Variants in CDH26 observed in about 807,000 individuals in gnomAD.
CDH26 encodes the protein cadherin-like protein 26.
A neutral mutation model predicts 90.3 loss-of-function variants in CDH26; 83 were observed. That is an observed-to-expected ratio of 0.92 (90% CI 0.77 to 1.10). CDH26 has a LOEUF of 1.10. Among genes scored for constraint, CDH26 ranks in the 50% least tolerant of loss-of-function variants. The pLI, the probability that CDH26 is intolerant of heterozygous loss-of-function variation, is 0.00. For missense variants in CDH26, 1,013 were observed against 1,037.6 expected (o/e 0.98, Z 0.33); for synonymous variants, 397 against 396.3 (o/e 1.00, Z -0.02).
Position 59,987,517 on chromosome 20 carries a change from G to A in CDH26, c.902G>A (p.Arg301Gln), listed in dbSNP as rs184110890. ...GTGTTGCGTCTCCTGGTTCAAGATC[G>A]AGATTCTCCATTTACATCAGCTTGG... ...QGVLRLLVQD[R>Q]DSPFTSAWRA... Residue 301 changes from arginine to glutamine, a missense_variant, in exon 8 of 18, where the codon CGA (arginine) becomes CAA (glutamine). Physicochemically the swap from Arg to Gln is conservative, Grantham distance 43. Transcript: ENST00000348616. The A allele has an allele frequency of 5.6e-6, 9 of 1,613,892 alleles. No homozygotes were observed. Among genetic ancestry groups the A allele is most frequent in the African/African-American group, 4.0e-5 (3 of 75,010 alleles).
In CDH26 at chr20:60,030,385, T is replaced by G. The variant is rs1601234180; in HGVS notation, c.948-846T>G. ...TGTTTTAAGTATCTGGGTTTTTTTT[T>G]GTTTGCTTTTTTTTGTTTTGTTTTG... On this transcript the variant is annotated intron_variant, in intron 7 of 8. Transcript: ENST00000370991. The surrounding 1 kb of genome is among the most constrained non-coding windows in gnomAD (Gnocchi z 4.0). Among the ~76,000 whole-genome samples the G allele has an allele frequency of 2.0e-5, 3 of 152,288 alleles. No homozygotes were observed. Among genetic ancestry groups the G allele is most frequent in the East Asian group, 3.9e-4 (2 of 5,182 alleles).
In CDH26 at chr20:60,014,478, G is replaced by T. The variant is rs2061888066; in HGVS notation, c.*1748G>T. ...TTTCCCCCCACCCTTCCCAGCTGCTGTGTCCTCTGTTCTACCTTCTACTTC... is the reference window on the plus strand; with the variant it reads ...TTTCCCCCCACCCTTCCCAGCTGCTTTGTCCTCTGTTCTACCTTCTACTTC... On this transcript the variant is annotated 3_prime_UTR_variant, in exon 18 of 18. Transcript: ENST00000348616. The T allele has an allele frequency of 6.6e-6, 1 of 151,814 alleles. No homozygotes were observed. The highest frequency in any genetic ancestry group is 1.9e-4 in the East Asian group (1 of 5,166). The allele number at this position is 151,814 out of a possible 1,614,324, so 9.4% of individuals were successfully genotyped here. A position where few individuals can be genotyped will look rare whatever the true frequency, so the allele number is the denominator to read the frequency against.
At chr20:60,015,454 T>C (rs1854976594), downstream of CDH26, among the ~76,000 whole-genome samples, 5 of 152,244 alleles carry the variant, frequency 3.3e-5, no homozygotes, top group African/African-American at 1.2e-4. Flanking sequence ...TCAGATCATT[T>C]ACCCATTTTA....
At chr20:60,027,468 T>C (rs2062006880) in intron 7 of CDH26, among the ~76,000 whole-genome samples, 1 of 152,202 alleles carries the variant, frequency 6.6e-6, no homozygotes, top group African/African-American at 2.4e-5. Context: ...ATATCCTCTT[T>C]CTTCTTCTTT....
intron 9 of CDH26, among the ~76,000 whole-genome samples, chr20:59,990,427 A>T (rs1180468366): frequency 2.0e-5 from 3 of 152,016 alleles, no homozygotes; most frequent in African/African-American, 7.3e-5. Flanking sequence ...TTGGCCCCAG[A>T]CCCCATTCCA....
downstream of CDH26, among the ~76,000 whole-genome samples, chr20:60,017,336 T>G (rs2061913757): frequency 6.6e-6 from 1 of 152,092 alleles, no homozygotes. Flanking sequence ...GGATCAATCT[T>G]AGTAGGTTGT....
chr20:60,016,425 A>G (rs570538137), downstream of CDH26, among the ~76,000 whole-genome samples: 2 of 152,066 alleles, frequency 1.3e-5, no homozygotes, highest in East Asian at 1.9e-4. Flanking sequence ...TTTGTTGTTC[A>G]TGTATAGAAA....
At chr20:60,001,131 G>A (rs924622526) in intron 14 of CDH26, among the ~76,000 whole-genome samples, 3 of 152,096 alleles carry the variant, frequency 2.0e-5, no homozygotes, top group African/African-American at 4.8e-5. Flanking sequence ...CCTGCCATGC[G>A]GTTCCATTGT....
Position 59,958,778 on chromosome 20 carries a change from C to A in CDH26, c.52C>A (p.Leu18Met). ...HPSLLLLLVL[L>M]LWLLQVSIID... is the part of the protein sequence containing the mutation. ...CTCGCTGCTGCTGCTTCTAGTGCTG[C>A]TGCTGTGGCTGCTGCAGGTAAGCTG... Residue 18 changes from leucine (L) to methionine (M), a missense_variant, in exon 1 of 18, where the codon CTG (leucine) becomes ATG (methionine). Transcript: ENST00000348616. 2 of 1,613,866 alleles carry A rather than the reference C, an allele frequency of 1.2e-6. No homozygotes were observed. The highest frequency in any genetic ancestry group is 1.7e-6 in the Non-Finnish European group (2 of 1,179,836).
At chr20:59,982,781 AG>A in intron 4 of CDH26, 141 bp from the exon 5 acceptor site, 3 of 887,168 alleles carry the variant, frequency 3.4e-6, no homozygotes, top group Non-Finnish European at 5.2e-6. Flanking sequence ...TTGGTAAATG[AG>A]GGCAGTCTGA....
rs1555903625 is a variant in CDH26, at chr20:60,021,865, C to CACACACACACACACACACACAT, written c.948-9345_948-9344insTACACACACACACACACACACA. Among the ~76,000 whole-genome samples, 530 of 75,870 alleles carry CACACACACACACACACACACAT rather than the reference C, an allele frequency of 7.0e-3. 21 individuals carry two copies. The highest frequency in any genetic ancestry group is 0.022 in the African/African-American group (488 of 22,468). The allele number at this position is 75,870 out of a possible 152,430, so 49.8% of individuals were successfully genotyped here. ...CCTTATCTGTACACACACACACACACACACACACACACACACACACACACA... is the reference window on the plus strand; with the variant it reads ...CCTTATCTGTACACACACACACACACACACACACACACACACACACATACACACACACACACACACACACACA... On this transcript the variant is annotated intron_variant, in intron 7 of 8. Transcript: ENST00000370991.
At position 59,969,034 on chromosome 20, in the gene CDH26, G is replaced by T; in HGVS notation, c.126+11G>T. On this transcript the variant is annotated intron_variant, in intron 2 of 17. Transcript: ENST00000348616. Reference sequence around the variant, plus strand: ...ACTAAGCAAACAAAGGTGAGGTTTGGAAGTCAGTTTCTTAATATATAAAAT... The same window carrying T: ...ACTAAGCAAACAAAGGTGAGGTTTGTAAGTCAGTTTCTTAATATATAAAAT... The T allele has an allele frequency of 1.9e-6, 3 of 1,573,596 alleles. No homozygotes were observed. Among genetic ancestry groups the T allele is most frequent in the Non-Finnish European group, 8.7e-7 (1 of 1,144,378 alleles).
intron 7 of CDH26, among the ~76,000 whole-genome samples, chr20:60,022,437 G>C (rs942060937): frequency 2.0e-5 from 3 of 152,202 alleles, no homozygotes; most frequent in Non-Finnish European, 4.4e-5. Context: ...GATTGGTTTT[G>C]TGGAGCTTTT....
intron 7 of CDH26, among the ~76,000 whole-genome samples, chr20:60,027,461 TC>T (rs1366470254): frequency 6.6e-6 from 1 of 152,190 alleles, no homozygotes; most frequent in Non-Finnish European, 1.5e-5. Context: ...TTCCTCTATA[TC>T]CTCTTTCTTC....
At chr20:60,034,593 G>A (rs1483750571), downstream of CDH26, among the ~76,000 whole-genome samples, 1 of 152,198 alleles carries the variant, frequency 6.6e-6, no homozygotes, top group Non-Finnish European at 1.5e-5. Context: ...GGGGAGAGCC[G>A]ACAGCAGTGT....
At chr20:60,005,058 A>G (rs1163627810) in intron 16 of CDH26, among the ~76,000 whole-genome samples, 1 of 150,758 alleles carries the variant, frequency 6.6e-6, no homozygotes, top group African/African-American at 2.4e-5. Context: ...CCTCCTCTTC[A>G]TTCTACTCAG....
rs369039565 is a variant in CDH26, at chr20:59,996,674, T to A, written c.1932T>A (p.Pro644=). Residue 644 remains proline, a synonymous_variant, in exon 13 of 18, where the codon CCT becomes CCA. Transcript: ENST00000348616. The stretch of plus-strand genomic sequence containing the variant: ...TGCGATGCTATTTTGTGCTTGAACC[T>A]AAGAGGCATGGATGCTCTGTATCCA... The part of the protein sequence containing the change: ...FLLRCYFVLE[P]KRHGCSVSND... 2 of 1,614,142 alleles carry A rather than the reference T, an allele frequency of 1.2e-6. No individual in the cohort carries two copies. Among genetic ancestry groups the A allele is most frequent in the African/African-American group, 2.7e-5 (2 of 74,954 alleles).
chr20:59,994,408 C>G lies in CDH26; in HGVS notation c.1585C>G (p.Pro529Ala), dbSNP rs1406645972. The change falls in exon 11 of 18, where the codon CCG becomes GCG. Residue 529 changes from proline (P) to alanine (A), a missense_variant. By Grantham distance (27) the Pro-to-Ala change is conservative. Coordinates refer to ENST00000348616, the MANE Select transcript of CDH26 (RefSeq NM_177980.4). ...CGAGGCAGAGGATCCGGACCTGGAG[C>G]CGTTCTCTGACCCATTTACATTTGA... ...HIEAEDPDLE[P>A]FSDPFTFELD... 2 of 1,614,002 alleles carry G rather than the reference C, an allele frequency of 1.2e-6. No individual in the cohort carries two copies. The highest frequency in any genetic ancestry group is 1.7e-5 in the Admixed American group (1 of 60,004).
intron 13 of CDH26, among the ~76,000 whole-genome samples, chr20:59,997,831 AAT>A (rs1203923696): frequency 6.6e-6 from 1 of 152,236 alleles, no homozygotes; most frequent in East Asian, 1.9e-4. Flanking sequence ...ATGCTCCTGT[AAT>A]TAGAGAGTTT....
Sources: allele counts gnomAD v4.1 joint callset (sites outside exome capture counted in the v4.1 genomes callset), GRCh38; gene constraint gnomAD v4.1.1; non-coding constraint Gnocchi (gnomAD v3.1); transcripts MANE v1.5; gene names NCBI Gene and HGNC (gene_info 2026-07-23, HGNC 2026-07-21).